CTNNA2: variants seen among roughly 807,000 people sequenced by gnomAD.
CTNNA2 encodes the protein catenin alpha-2.
In CTNNA2, 42 loss-of-function variants were observed where a neutral mutation model predicts 101.0. That is an observed-to-expected ratio of 0.42 (90% CI 0.32 to 0.54). The LOEUF (loss-of-function observed/expected upper bound fraction) is 0.54. Ranked by LOEUF, CTNNA2 falls within the 20% of genes least tolerant of loss-of-function variation. CTNNA2 has a pLI of 0.14. For missense variants in CTNNA2, 871 were observed against 1,223.1 expected (o/e 0.71, Z 4.29); for synonymous variants, 450 against 456.4 (o/e 0.99, Z 0.18).
intron 11 of CTNNA2, among the ~76,000 whole-genome samples, chr2:80,547,254 G>A (rs1203838780): frequency 6.6e-6 from 1 of 152,114 alleles, no homozygotes; most frequent in Non-Finnish European, 1.5e-5. Context: ...CAAGGCAGAT[G>A]GGAACATTGA....
chr2:80,245,166 A>C (rs984141561), intron 7 of CTNNA2, among the ~76,000 whole-genome samples: 1 of 152,186 alleles, frequency 6.6e-6, no homozygotes, highest in Non-Finnish European at 1.5e-5. Context: ...TATTGTTATT[A>C]CTTGAAGTTT....
intron 2 of CTNNA2, among the ~76,000 whole-genome samples, chr2:79,288,962 T>C (rs1016004663): frequency 3.3e-5 from 5 of 152,216 alleles, no homozygotes; most frequent in Non-Finnish European, 7.3e-5. Context: ...ACTTATTTGA[T>C]AGTCACTTTT....
At chr2:80,161,655 G>T in intron 7 of CTNNA2, among the ~76,000 whole-genome samples, 1 of 152,170 alleles carries the variant, frequency 6.6e-6, no homozygotes, top group South Asian at 2.1e-4. Flanking sequence ...GCACTTAAAG[G>T]CTTCATGAAT....
At chr2:80,538,667 C>T (rs1691259561) in intron 9 of CTNNA2, among the ~76,000 whole-genome samples, 1 of 152,164 alleles carries the variant, frequency 6.6e-6, no homozygotes, top group African/African-American at 2.4e-5. Flanking sequence ...CTGATGCCTC[C>T]AGCTTTGTTC....
intron 6 of CTNNA2, among the ~76,000 whole-genome samples, chr2:79,881,761 A>G (rs992151789): frequency 4.6e-5 from 7 of 150,690 alleles, no homozygotes; most frequent in African/African-American, 9.8e-5. Flanking sequence ...TCTTCATTCA[A>G]TTTGCCAGTC....
At chr2:79,771,088 A>AT (rs1373667347) in intron 3 of CTNNA2, among the ~76,000 whole-genome samples, 4 of 152,090 alleles carry the variant, frequency 2.6e-5, no homozygotes, top group African/African-American at 7.2e-5. Context: ...CTTTGTTTTG[A>AT]TTTTCCAAAT....
chr2:79,497,863 G>A (rs1029234588), intron 4 of CTNNA2, among the ~76,000 whole-genome samples: 1 of 152,234 alleles, frequency 6.6e-6, no homozygotes, highest in African/African-American at 2.4e-5. Context: ...TTGAATACAC[G>A]TAACAGAAAA....
intron 7 of CTNNA2, among the ~76,000 whole-genome samples, chr2:80,234,435 G>A (rs996312963): frequency 1.3e-5 from 2 of 152,188 alleles, no homozygotes; most frequent in African/African-American, 4.8e-5. Context: ...TCTAGGAAAA[G>A]TGCTTTAGTT....
intron 18 of CTNNA2, 102 bp downstream of exon 18, chr2:80,619,330 G>A (rs532514007): frequency 5.4e-6 from 7 of 1,299,540 alleles, no homozygotes; most frequent in South Asian, 2.4e-5. Context: ...GCCCACTGAA[G>A]GCCTCTTAAT....
chr2:80,032,775 G>A (rs892609964), intron 7 of CTNNA2, among the ~76,000 whole-genome samples: 1 of 152,054 alleles, frequency 6.6e-6, no homozygotes, highest in Non-Finnish European at 1.5e-5. Context: ...TTTGTTTTAT[G>A]TATGGCCTGT....
intron 7 of CTNNA2, among the ~76,000 whole-genome samples, chr2:80,237,047 T>C (rs1426959031): frequency 6.6e-6 from 1 of 152,186 alleles, no homozygotes; most frequent in Non-Finnish European, 1.5e-5. Context: ...CAACAGCTGG[T>C]ACTACCCTGA....
intron 3 of CTNNA2, among the ~76,000 whole-genome samples, chr2:79,750,010 G>A (rs189337978): frequency 1.3e-5 from 2 of 152,256 alleles, no homozygotes; most frequent in East Asian, 1.9e-4. Flanking sequence ...TGAGTAGCTC[G>A]GTATGGCTTA....
intron 1 of CTNNA2, among the ~76,000 whole-genome samples, chr2:79,597,739 C>T (rs1390533532): frequency 6.6e-6 from 1 of 152,154 alleles, no homozygotes; most frequent in Non-Finnish European, 1.5e-5. Context: ...AGACCCAGTA[C>T]TATAGTGGTA....
chr2:79,325,499 A>G (rs1237174808), intron 3 of CTNNA2, among the ~76,000 whole-genome samples: 2 of 152,228 alleles, frequency 1.3e-5, no homozygotes, highest in Non-Finnish European at 2.9e-5. Flanking sequence ...TAAGGCAATT[A>G]AGCTCCTTTC....
intron 7 of CTNNA2, among the ~76,000 whole-genome samples, chr2:79,938,933 A>G (rs964796383): frequency 6.6e-6 from 1 of 152,190 alleles, no homozygotes; most frequent in African/African-American, 2.4e-5. Context: ...AGGCTCTTGC[A>G]TTAAAGACCA....
intron 8 of CTNNA2, among the ~76,000 whole-genome samples, chr2:80,398,966 T>C (rs909519261): frequency 1.3e-5 from 2 of 150,916 alleles, no homozygotes; most frequent in African/African-American, 2.4e-5. Flanking sequence ...TGGAGTGCAA[T>C]GGTGCGATCT....
intron 3 of CTNNA2, among the ~76,000 whole-genome samples, chr2:79,318,169 A>G (rs2104406470): frequency 6.6e-6 from 1 of 152,256 alleles, no homozygotes; most frequent in East Asian, 1.9e-4. Context: ...TATAGATAGA[A>G]TGTTATGCAC....
chr2:79,428,354 C>A (rs1678614178), intron 4 of CTNNA2, among the ~76,000 whole-genome samples: 1 of 151,972 alleles, frequency 6.6e-6, no homozygotes, highest in South Asian at 2.1e-4. Flanking sequence ...CAGTAAGGCT[C>A]CACTCACCTG....
intron 4 of CTNNA2, among the ~76,000 whole-genome samples, chr2:79,468,685 G>T (rs111338196): frequency 2.0e-5 from 3 of 152,296 alleles, no homozygotes; most frequent in African/African-American, 7.2e-5. Flanking sequence ...CTGTCTCTCA[G>T]ACCACAGTGC....
Sources: gnomAD v4.1 joint callset for allele counts (sites outside exome capture counted in the v4.1 genomes callset) on GRCh38, gnomAD v4.1.1 for gene constraint, MANE v1.5 for transcripts, NCBI Gene and HGNC (gene_info 2026-07-23, HGNC 2026-07-21) for gene names.